The following CNBD2 variants were observed in gnomAD, a reference collection of about 807,000 sequenced individuals.
CNBD2 encodes cyclic nucleotide binding domain containing 2.
CNBD2 carries 64 observed loss-of-function variants against 63.7 expected under a neutral mutation model. That is an observed-to-expected ratio of 1.00 (90% CI 0.82 to 1.24). The LOEUF (loss-of-function observed/expected upper bound fraction) is 1.24. Among genes scored for constraint, CNBD2 ranks in the 50% most tolerant of loss-of-function variants. The probability of loss-of-function intolerance (pLI) is 0.00; values close to 1 mark genes in which losing one functional copy is unlikely to be tolerated. For missense variants in CNBD2, 691 were observed against 713.5 expected (o/e 0.97, Z 0.36); for synonymous variants, 229 against 255.4 (o/e 0.90, Z 0.99).
intron 8 of CNBD2, among the ~76,000 whole-genome samples, chr20:36,001,266 C>T (rs576145445): frequency 4.0e-5 from 6 of 151,766 alleles, no homozygotes; most frequent in African/African-American, 1.5e-4. Context: ...ACCTCCCAGA[C>T]GGGGTGGTGG....
At chr20:35,971,034 G>A (rs1287476180) in intron 1 of CNBD2, among the ~76,000 whole-genome samples, 1 of 144,684 alleles carries the variant, frequency 6.9e-6, no homozygotes, top group Non-Finnish European at 1.5e-5. Flanking sequence ...TGCAAGCTCC[G>A]CCTCCCGGGT....
At chr20:36,022,994 C>G (rs2057237876) in intron 10 of CNBD2, among the ~76,000 whole-genome samples, 1 of 151,996 alleles carries the variant, frequency 6.6e-6, no homozygotes, top group Non-Finnish European at 1.5e-5. Flanking sequence ...AAAACAAAAA[C>G]AAAACAAAAC....
At chr20:36,029,214 C>T (rs543582781) in intron 11 of CNBD2, among the ~76,000 whole-genome samples, 2 of 152,310 alleles carry the variant, frequency 1.3e-5, no homozygotes, top group African/African-American at 4.8e-5. Flanking sequence ...CTTTCCCCCT[C>T]CTAGGTTTTG....
chr20:36,019,917 T>C (rs1327408918), intron 10 of CNBD2, among the ~76,000 whole-genome samples: 6 of 152,290 alleles, frequency 3.9e-5, no homozygotes, highest in Admixed American at 6.5e-5. Context: ...AAGGTTGGGC[T>C]CTGCCACTTT....
chr20:36,018,464 A>C (rs1374673950), intron 10 of CNBD2, among the ~76,000 whole-genome samples: 1 of 152,134 alleles, frequency 6.6e-6, no homozygotes, highest in Non-Finnish European at 1.5e-5. Context: ...CCTTTGAAGA[A>C]AATGTCTGCG....
At chr20:35,981,202 T>C (rs193049924) in intron 4 of CNBD2, among the ~76,000 whole-genome samples, 5 of 152,290 alleles carry the variant, frequency 3.3e-5, no homozygotes, top group Admixed American at 3.3e-4. Context: ...GATTGTGGCT[T>C]GCCGTGACTT....
At chr20:35,960,490 C>T (rs915961034) in intron 2 of CNBD2, among the ~76,000 whole-genome samples, 2 of 152,220 alleles carry the variant, frequency 1.3e-5, no homozygotes, top group Non-Finnish European at 2.9e-5. Context: ...CAGGCGCGTA[C>T]CGCCATGCCC....
At chr20:35,990,823 C>T (rs1263498535) in intron 7 of CNBD2, among the ~76,000 whole-genome samples, 2 of 150,726 alleles carry the variant, frequency 1.3e-5, no homozygotes, top group African/African-American at 2.4e-5. Context: ...TGGTGGTGTG[C>T]ACCTATAGTC....
chr20:35,980,512 A>G lies in CNBD2; in HGVS notation c.297A>G (p.Arg99=), dbSNP rs1408044573. 6.2e-7 allele frequency: 1 copy of G among 1,614,000 alleles called. No homozygotes were observed. The highest frequency in any genetic ancestry group is 1.3e-5 in the African/African-American group (1 of 74,902). Residue 99 remains arginine, a synonymous_variant, in exon 4 of 12, where the codon AGA becomes AGG. Transcript: ENST00000373973. ...IQIMQKKPSW[R]TEDEIQAVCN... ...TCATGCAGAAGAAGCCTTCCTGGAG[A>G]ACAGAGGATGAGATCCAGGCCGTCT...
At chr20:36,011,324 T>C (rs1168460267) in intron 10 of CNBD2, 67 bp downstream of exon 10, 2 of 1,401,126 alleles carry the variant, frequency 1.4e-6, no homozygotes, top group South Asian at 1.8e-5. Flanking sequence ...TGTTAAGTAA[T>C]GACAGTAAAG....
chr20:36,010,478 T>G (rs1157837452), intron 9 of CNBD2, among the ~76,000 whole-genome samples: 1 of 150,790 alleles, frequency 6.6e-6, no homozygotes, highest in Non-Finnish European at 1.5e-5. Flanking sequence ...GAAAAGAAAT[T>G]CCTTCCTCTT....
chr20:36,011,350 C>T (rs2057058425), intron 10 of CNBD2, 93 bp downstream of exon 10: 3 of 1,325,262 alleles, frequency 2.3e-6, no homozygotes, highest in African/African-American at 1.5e-5. Context: ...AAAACACTTC[C>T]CTCCATATTT....
At chr20:35,964,631 G>A (rs1476493620), upstream of CNBD2, among the ~76,000 whole-genome samples, 5 of 151,190 alleles carry the variant, frequency 3.3e-5, no homozygotes, top group South Asian at 8.3e-4. Context: ...TCCTGACCTC[G>A]TGATCCACCC....
At chr20:35,978,502 G>A (rs541415327) in intron 3 of CNBD2, among the ~76,000 whole-genome samples, 6 of 152,128 alleles carry the variant, frequency 3.9e-5, no homozygotes, top group South Asian at 2.1e-4. Flanking sequence ...CTGCCACCAC[G>A]CCCTGCTAAT....
At chr20:35,976,160 A>G (rs1400017997) in intron 3 of CNBD2, among the ~76,000 whole-genome samples, 158 bp downstream of exon 3, 1 of 152,206 alleles carries the variant, frequency 6.6e-6, no homozygotes, top group Admixed American at 6.5e-5. Flanking sequence ...CTCATCAATA[A>G]AATAGCTGAT....
chr20:35,970,994 C>T (rs944075330), intron 1 of CNBD2, among the ~76,000 whole-genome samples: 89 of 144,878 alleles, frequency 6.1e-4, no homozygotes, highest in Non-Finnish European at 2.7e-4. Context: ...GTCGCCCAGG[C>T]TGGAGTGCAG....
intron 10 of CNBD2, among the ~76,000 whole-genome samples, chr20:36,019,529 GAAAAAAAAAA>G (rs60556168): frequency 1.4e-5 from 1 of 71,722 alleles, no homozygotes; most frequent in African/African-American, 4.1e-5. Context: ...CTCAAAAAAA[GAAAAAAAAAA>G]AAAAAAAAAA....
chr20:35,971,878 T>A (rs1306310712), intron 1 of CNBD2, among the ~76,000 whole-genome samples: 2 of 152,198 alleles, frequency 1.3e-5, no homozygotes, highest in South Asian at 2.1e-4. Flanking sequence ...GATTTATAGA[T>A]TCTTCTACAT....
rs1243740944 is a variant in CNBD2 at position 36,023,675 on chromosome 20, AG to A, written c.1344del (p.Glu448AspfsTer2). 3.1e-6 allele frequency: 5 copies of A among 1,613,890 alleles called. No homozygotes were observed. Among genetic ancestry groups the A allele is most frequent in the Admixed American group, 1.7e-5 (1 of 59,984 alleles). Reference protein sequence around the residue: ...RPLILMSLGNELIRIRKEIFY... With the variant: ...RPLILMSLGNXLIRIRKEIFY... ...TTGATCCTGATGAGCCTGGGAAATG[AG>A]TTGATACGGATAAGGAAGGAAATAT... On this transcript the variant is annotated frameshift_variant, in exon 11 of 12. Transcript: ENST00000373973. LOFTEE classifies it high-confidence loss of function.
Sources: allele counts gnomAD v4.1 joint callset (sites outside exome capture counted in the v4.1 genomes callset), GRCh38; gene constraint gnomAD v4.1.1; transcripts MANE v1.5; gene names NCBI Gene and HGNC (gene_info 2026-07-23, HGNC 2026-07-21).